The following SLFN11 variants were observed in gnomAD, a reference collection of about 807,000 sequenced individuals.
SLFN11 encodes schlafen family member 11.
SLFN11 carries 43 observed loss-of-function variants against 53.4 expected under a neutral mutation model. The ratio of observed to expected loss-of-function variants is 0.80; its 90% confidence interval spans 0.63 to 1.04. The LOEUF is 1.04. Among genes scored for constraint, SLFN11 ranks in the 50% least tolerant of loss-of-function variants. SLFN11 has a pLI of 0.00. For synonymous variants in SLFN11, 389 were observed against 394.7 expected (o/e 0.99, Z 0.17); for missense variants, 990 against 1,079.1 (o/e 0.92, Z 1.16).
intron 6 of SLFN11, 37 bp from the exon 7 acceptor site, chr17:35,353,176 A>T (rs759217049): frequency 4.4e-6 from 7 of 1,597,202 alleles, no homozygotes; most frequent in Non-Finnish European, 6.0e-6. Flanking sequence ...GGTTTTCTCT[A>T]AAAAAACAAG....
rs775432988 is a variant in SLFN11 at position 35,363,652 on chromosome 17, A to G, written c.156T>C (p.Ala52=). The G allele has an allele frequency of 6.2e-7, 1 of 1,613,878 alleles. No homozygotes were observed. Residue 52 remains alanine, a synonymous_variant, in exon 4 of 7, where the codon GCT becomes GCC. Transcript: ENST00000685675. ...TCACTCCTCCTCCTGAGTTTAATAA[A>G]GCACATGCAGCCCGCATAACTCTCT... ...EKERVMRAAC[A]LLNSGGGVIR... is the part of the protein sequence containing the mutation.
intron 1 of SLFN11, among the ~76,000 whole-genome samples, chr17:35,371,928 TA>T (rs1289737257): frequency 1.3e-5 from 2 of 152,038 alleles, no homozygotes; most frequent in Admixed American, 1.3e-4. Flanking sequence ...CTCAGAAAAC[TA>T]AAAATAAAGC....
chr17:35,357,167 T>A (rs1391484167), intron 5 of SLFN11, among the ~76,000 whole-genome samples: 1 of 151,470 alleles, frequency 6.6e-6, no homozygotes, highest in African/African-American at 2.4e-5. Context: ...TGTGTGTGTG[T>A]GTGTGTGTGT....
intron 4 of SLFN11, among the ~76,000 whole-genome samples, chr17:35,362,107 A>G (rs1365664227): frequency 6.6e-6 from 1 of 152,012 alleles, no homozygotes; most frequent in Non-Finnish European, 1.5e-5. Context: ...TTGAGAAGAG[A>G]TCCCTCGTTC....
intron 5 of SLFN11, among the ~76,000 whole-genome samples, chr17:35,359,174 T>C (rs773365524): frequency 1.3e-5 from 2 of 152,166 alleles, no homozygotes; most frequent in Non-Finnish European, 2.9e-5. Flanking sequence ...TATGGGCATA[T>C]AGCCCATTAT....
At position 35,351,050 on chromosome 17, in the gene SLFN11, T is replaced by C. The variant is rs1219137996; in HGVS notation, c.*1306A>G. On this transcript the variant is annotated 3_prime_UTR_variant, in exon 7 of 7. Coordinates refer to ENST00000685675, the MANE Select transcript of SLFN11 (RefSeq NM_001376007.1). ...GCTGCAATAACAAAACACCAGAGAC[T>C]GAGAAGCTGAAACAACAGAAATTTG... 6.6e-6 allele frequency: 1 copy of C among 152,236 alleles called. No homozygotes were observed. The highest frequency in any genetic ancestry group is 1.9e-4 in the East Asian group (1 of 5,206). 9.4% of individuals were successfully genotyped at this position (152,236 alleles called of 1,614,324 possible). A position where few individuals can be genotyped will look rare whatever the true frequency, so the allele number is the denominator to read the frequency against.
In SLFN11 at chr17:35,352,532, T is replaced by C. The variant is rs201024518; in HGVS notation, c.2530A>G (p.Met844Val). ...RVVQLSDACD[M>V]LGDHIVLDSV... is the part of the protein sequence containing the mutation. ...TCCAACACAATGTGATCACCCAACA[T>C]ATCACATGCATCACTGAGCTGCACC... Residue 844 changes from methionine to valine, a missense_variant, in exon 7 of 7, where the codon ATG (methionine) becomes GTG (valine). Transcript: ENST00000685675. 6.2e-7 allele frequency: 1 copy of C among 1,614,186 alleles called. No homozygotes were observed. The highest frequency in any genetic ancestry group is 1.7e-5 in the Admixed American group (1 of 60,028).
In SLFN11 at chr17:35,370,474, G is replaced by C. The variant is rs117950116; in HGVS notation, c.-234-2774C>G. Among the ~76,000 whole-genome samples, 1,068 of 152,024 alleles carry C rather than the reference G, an allele frequency of 7.0e-3. 9 individuals are homozygous for C. The highest frequency in any genetic ancestry group is 0.024 in the Middle Eastern group (7 of 292). ...TTATTCAACATAGAAATCCTAGCTA[G>C]AGCAATTAGACAAGAGAAAGAAATA... On this transcript the variant is annotated intron_variant, in intron 1 of 6. Coordinates refer to ENST00000685675, the MANE Select transcript of SLFN11 (RefSeq NM_001376007.1).
At chr17:35,359,949 C>A in intron 5 of SLFN11, 1 of 297,386 alleles carries the variant, frequency 3.4e-6, no homozygotes, top group South Asian at 3.9e-5. Flanking sequence ...GATATGTGTC[C>A]TTTTAAAAAT....
chr17:35,362,991 T>C lies in SLFN11; in HGVS notation c.817A>G (p.Lys273Glu), dbSNP rs970188752. 24 of 1,613,902 alleles carry C rather than the reference T, an allele frequency of 1.5e-5. No homozygotes were observed. The highest frequency in any genetic ancestry group is 1.9e-5 in the Non-Finnish European group (23 of 1,179,984). ...AGTTTGTATATGGCTTGTTCTATTT[T>C]CCTTCTCAAAGAGTCAGGGTCAACA... is the stretch of plus-strand genomic sequence containing the variant. ...ENVDPDSLRR[K>E]IEQAIYKLPC... Residue 273 changes from lysine to glutamate, a missense_variant, in exon 4 of 7, where the codon AAA (lysine) becomes GAA (glutamate). By Grantham distance (56) the Lys-to-Glu change is moderately conservative. Transcript: ENST00000685675.
In SLFN11 at chr17:35,363,598, G is replaced by A. The variant is rs116005359; in HGVS notation, c.210C>T (p.Pro70=). The change falls in exon 4 of 7, where the codon CCC becomes CCT. Residue 70 remains proline (P), a synonymous_variant. Coordinates refer to ENST00000685675, the MANE Select transcript of SLFN11 (RefSeq NM_001376007.1). ...GTTCTAAATCCAGTCCCATCTCCACGGGATGCTCAACCTTCTTGGCCATTC... is the reference window on the plus strand; with the variant it reads ...GTTCTAAATCCAGTCCCATCTCCACAGGATGCTCAACCTTCTTGGCCATTC... ...VIRMAKKVEH[P]VEMGLDLEQS... 4.3e-6 allele frequency: 7 copies of A among 1,613,660 alleles called. No individual in the cohort carries two copies. Among genetic ancestry groups the A allele is most frequent in the African/African-American group, 2.7e-5 (2 of 74,868 alleles).
At chr17:35,369,893 G>T (rs2141991831) in intron 1 of SLFN11, among the ~76,000 whole-genome samples, 1 of 152,178 alleles carries the variant, frequency 6.6e-6, no homozygotes, top group South Asian at 2.1e-4. Flanking sequence ...GCAAAGAAAA[G>T]TCTGGGACCC....
chr17:35,351,363 C>T lies in SLFN11; in HGVS notation c.*993G>A, dbSNP rs1417962123. The T allele has an allele frequency of 6.6e-6, 1 of 152,028 alleles. No homozygotes were observed. Among genetic ancestry groups the T allele is most frequent in the East Asian group, 1.9e-4 (1 of 5,184 alleles). 9.4% of individuals were successfully genotyped at this position (152,028 alleles called of 1,614,324 possible). On this transcript the variant is annotated 3_prime_UTR_variant, in exon 7 of 7. Coordinates refer to ENST00000685675, the MANE Select transcript of SLFN11 (RefSeq NM_001376007.1). ...CACAGTGCAGGTTGGGGCTTCAACA[C>T]GGGAATTTGGGGGTGAAGGGTGGGA...
In SLFN11 at chr17:35,353,663, G is replaced by A. The variant is rs1907067822; in HGVS notation, c.1595C>T (p.Pro532Leu). The part of the protein sequence containing the change: ...SAEALEAAVS[P>L]MDYPASYSLA... ...GCTATAGGACGCAGGGTAATCCATC[G>A]GAGACACTGCAGCCTCCAAGGCCTC... The change falls in exon 6 of 7, where the codon CCG (proline) becomes CTG (leucine). Residue 532 changes from proline to leucine, a missense_variant. By Grantham distance (98) the Pro-to-Leu change is moderately conservative. This residue lies in a region of SLFN11 where 156 missense variants were observed against 241.9 expected (regional missense o/e 0.64). Transcript: ENST00000685675. The A allele has an allele frequency of 2.5e-6, 3 of 1,198,544 alleles. No individual in the cohort carries two copies. Among genetic ancestry groups the A allele is most frequent in the African/African-American group, 1.7e-5 (1 of 57,898 alleles). 74.2% of individuals were successfully genotyped at this position (1,198,544 alleles called of 1,614,324 possible). A position where few individuals can be genotyped will look rare whatever the true frequency, so the allele number is the denominator to read the frequency against.
Position 35,352,778 on chromosome 17 carries a change from C to T in SLFN11, c.2284G>A (p.Glu762Lys), listed in dbSNP as rs1049928797. 2.7e-5 allele frequency: 43 copies of T among 1,614,050 alleles called. 1 individual carries two copies. Among genetic ancestry groups the T allele is most frequent in the Non-Finnish European group, 3.4e-5 (40 of 1,180,034 alleles). Reference sequence around the variant, plus strand: ...GACCATTCGGCTTCAGGAAATACCTCGAGGCACCCAGTGGGGATGTTAAAT... The same window carrying T: ...GACCATTCGGCTTCAGGAAATACCTTGAGGCACCCAGTGGGGATGTTAAAT... ...PSFNIPTGCLEVFPEAEWSQG... is the reference protein window; with the variant it reads ...PSFNIPTGCLKVFPEAEWSQG... Residue 762 changes from glutamate to lysine, a missense_variant, in exon 7 of 7, where the codon GAG (glutamate) becomes AAG (lysine). By Grantham distance (56) the Glu-to-Lys change is moderately conservative (BLOSUM62 1). This residue lies in a region of SLFN11 where 313 missense variants were observed against 320.9 expected (regional missense o/e 0.98). Transcript: ENST00000685675.
chr17:35,371,489 A>G (rs138403032), intron 1 of SLFN11, among the ~76,000 whole-genome samples: 2 of 152,258 alleles, frequency 1.3e-5, no homozygotes, highest in Non-Finnish European at 2.9e-5. Flanking sequence ...ATCAAGTTAA[A>G]AAGCTTCTGC....
At position 35,353,477 on chromosome 17, in the gene SLFN11, T is replaced by A. The variant is rs1308492630; in HGVS notation, c.1781A>T (p.Glu594Val). 8 of 1,587,388 alleles carry A rather than the reference T, an allele frequency of 5.0e-6. No individual in the cohort carries two copies. Among genetic ancestry groups the A allele is most frequent in the Non-Finnish European group, 6.9e-6 (8 of 1,166,194 alleles). The part of the protein sequence containing the change: ...IFSRSLRKNR[E>V]LFVHGLPGSG... ...GCCAGGTAAGCCGTGGACAAACAAC[T>A]CTCTGTTCTTGCGGAGGCTTCTGGA... The change falls in exon 6 of 7, where the codon GAG (glutamate) becomes GTG (valine). Residue 594 changes from glutamate to valine, a missense_variant. Physicochemically the swap from Glu to Val is moderately radical, Grantham distance 121. Coordinates refer to ENST00000685675, the MANE Select transcript of SLFN11 (RefSeq NM_001376007.1).
intron 5 of SLFN11, among the ~76,000 whole-genome samples, chr17:35,357,172 G>C (rs985523990): frequency 0.011 from 1,597 of 148,656 alleles, 35 homozygotes; most frequent in Non-Finnish European, 0.014. Flanking sequence ...GTGTGTGTGT[G>C]TGTGTCTGTG....
At chr17:35,362,662 G>A in intron 4 of SLFN11, 77 bp downstream of exon 4, 1 of 1,176,722 alleles carries the variant, frequency 8.5e-7, no homozygotes, top group Non-Finnish European at 1.2e-6. Flanking sequence ...AAAGTCATAG[G>A]CAGCAAAGGA....
Sources: allele counts gnomAD v4.1 joint callset (sites outside exome capture counted in the v4.1 genomes callset), GRCh38; gene constraint gnomAD v4.1.1; regional missense constraint gnomAD v4.1.1; transcripts MANE v1.5; gene names NCBI Gene and HGNC (gene_info 2026-07-23, HGNC 2026-07-21).